Variants in ING4 observed in about 807,000 individuals in gnomAD.
ING4 encodes inhibitor of growth family member 4, also known as inhibitor of growth protein 4.
Under a neutral mutation model 33.1 loss-of-function variants are expected in ING4, and 28 were observed. The observed-to-expected ratio is 0.85, with a 90% confidence interval of 0.63 to 1.16. The LOEUF is 1.16. ING4 is among the 50% of genes most tolerant of loss of function. The pLI, the probability that ING4 is intolerant of heterozygous loss-of-function variation, is 0.00. For missense variants in ING4, 247 were observed against 314.7 expected (o/e 0.78, Z 1.63); for synonymous variants, 87 against 104.4 (o/e 0.83, Z 1.02).
rs113932069 is a variant in ING4 at position 6,652,668 on chromosome 12, A to C, written c.491T>G (p.Val164Gly). 7.4e-6 allele frequency: 12 copies of C among 1,613,850 alleles called. No homozygotes were observed. The African/African-American group carries it at 8.0e-5, about 11-fold the overall frequency. The change falls in exon 5 of 8, where the codon GTG becomes GGG. Residue 164 changes from valine (V) to glycine (G), a missense_variant. By Grantham distance (109) the Val-to-Gly change is moderately radical. This residue lies in a region of ING4 where 198 missense variants were observed against 221.2 expected (regional missense o/e 0.89). Coordinates refer to ENST00000341550, the MANE Select transcript of ING4 (RefSeq NM_016162.4). ...PKTAQKKLKLVRTSPEYGMPS... is the reference protein window; with the variant it reads ...PKTAQKKLKLGRTSPEYGMPS... ...GGCTCCCTGAATCACTCACGTGCGC[A>C]CGAGCTTTAACTTCTTCTGGGCAGT...
Position 6,651,102 on chromosome 12 carries a change from C to T in ING4, c.*93G>A. ...GACAGCACTGTGCCATCCACTCCTC[C>T]CTGAACCCCTGGCCCCAGCACAGGC... is the stretch of plus-strand genomic sequence containing the variant. On this transcript the variant is annotated 3_prime_UTR_variant, in exon 8 of 8. Transcript: ENST00000341550. The T allele has an allele frequency of 7.1e-7, 1 of 1,406,636 alleles. No homozygotes were observed. The highest frequency in any genetic ancestry group is 1.7e-5 in the Admixed American group (1 of 57,526). The allele number at this position is 1,406,636 out of a possible 1,614,324, so 87.1% of individuals were successfully genotyped here. A position where few individuals can be genotyped will look rare whatever the true frequency, so the allele number is the denominator to read the frequency against.
chr12:6,660,037 GT>G (rs1949499969), intron 1 of ING4, among the ~76,000 whole-genome samples: 1 of 152,184 alleles, frequency 6.6e-6, no homozygotes, highest in Non-Finnish European at 1.5e-5. Flanking sequence ...ATTCTCTCCT[GT>G]TTCCATAGTG....
rs1359440330 is a variant in ING4 at position 6,660,012 on chromosome 12, G to A, written c.37+3053C>T. 2.6e-5 allele frequency among the ~76,000 whole-genome samples: 4 copies of A among 152,136 alleles called. No homozygotes were observed. In the East Asian group the frequency reaches 5.8e-4, roughly 22 times the overall value. On this transcript the variant is annotated intron_variant, in intron 1 of 7. Coordinates refer to ENST00000341550, the MANE Select transcript of ING4 (RefSeq NM_016162.4). ...TATTTGGTATCTGTCTCCCCAGGCC[G>A]AACATGGCTATCATATTCTCTCCTG...
intron 5 of ING4, 113 bp downstream of exon 5, chr12:6,652,546 TAAG>T (rs1205354863): frequency 6.1e-5 from 84 of 1,368,358 alleles, no homozygotes; most frequent in Non-Finnish European, 7.7e-5. Context: ...ACCAAAATGA[TAAG>T]AAGAGTTCTT....
At chr12:6,653,816 T>C (rs1212684766) in intron 2 of ING4, among the ~76,000 whole-genome samples, 1 of 152,220 alleles carries the variant, frequency 6.6e-6, no homozygotes, top group Non-Finnish European at 1.5e-5. Context: ...TCATCTGCTG[T>C]TGCTGGTTTC....
At chr12:6,662,849 C>G (rs540028640) in intron 1 of ING4, among the ~76,000 whole-genome samples, 9 of 146,208 alleles carry the variant, frequency 6.2e-5, no homozygotes, top group Non-Finnish European at 1.4e-4. Flanking sequence ...CGTCTCTAAC[C>G]CCCACACCGC....
intron 2 of ING4, among the ~76,000 whole-genome samples, chr12:6,653,777 A>G (rs1393070813): frequency 3.3e-5 from 5 of 152,230 alleles, no homozygotes; most frequent in Non-Finnish European, 7.3e-5. Context: ...AACATCCCAC[A>G]GCAGTTGTCT....
chr12:6,658,755 T>TA (rs1297177057), intron 1 of ING4, among the ~76,000 whole-genome samples: 2 of 152,190 alleles, frequency 1.3e-5, no homozygotes, highest in Non-Finnish European at 2.9e-5. Context: ...CTCCCGCTTA[T>TA]AACCTTCTGG....
At chr12:6,659,580 A>T (rs1325955576) in intron 1 of ING4, among the ~76,000 whole-genome samples, 1 of 152,108 alleles carries the variant, frequency 6.6e-6, no homozygotes, top group Non-Finnish European at 1.5e-5. Context: ...TGGGTGGCCG[A>T]GGAGAGCAGA....
At chr12:6,653,171 G>T in intron 3 of ING4, 59 bp downstream of exon 3, 6 of 1,602,888 alleles carry the variant, frequency 3.7e-6, no homozygotes, top group Non-Finnish European at 5.1e-6. Flanking sequence ...TTGAAGGAGG[G>T]GTCTAAGACC....
intron 2 of ING4, among the ~76,000 whole-genome samples, chr12:6,653,869 T>C (rs1233799879): frequency 6.6e-5 from 10 of 152,140 alleles, no homozygotes; most frequent in Non-Finnish European, 5.9e-5. Flanking sequence ...ATTATTAGTA[T>C]TTTTTCTTTT....
chr12:6,653,369 G>C lies in ING4; in HGVS notation c.137C>G (p.Ala46Gly). ...EDLKAEIDKL[A>G]TEYMSSARSL... ...GCGGGCACTACTCATATACTCAGTG[G>C]CCAACTTGTCAATTTCAGCCTTCAG... Residue 46 changes from alanine to glycine, a missense_variant, in exon 3 of 8, where the codon GCC (alanine) becomes GGC (glycine). Transcript: ENST00000341550. 6.2e-7 allele frequency: 1 copy of C among 1,614,100 alleles called. No individual in the cohort carries two copies.
chr12:6,656,723 A>G lies in ING4; in HGVS notation c.109+4T>C. The G allele has an allele frequency of 6.5e-7, 1 of 1,549,432 alleles. No homozygotes were observed. Among genetic ancestry groups the G allele is most frequent in the Non-Finnish European group, 8.7e-7 (1 of 1,145,126 alleles). ...GATACAAAAACTTTTTACTCTATACATACCCTCTGTTCTTTGGTCTAGGTC... is the reference window on the plus strand; with the variant it reads ...GATACAAAAACTTTTTACTCTATACGTACCCTCTGTTCTTTGGTCTAGGTC... On this transcript the variant is annotated splice_donor_region_variant and intron_variant, in intron 2 of 7. Coordinates refer to ENST00000341550, the MANE Select transcript of ING4 (RefSeq NM_016162.4).
intron 1 of ING4, 72 bp downstream of exon 1, chr12:6,662,993 G>A (rs1219425478): frequency 1.3e-6 from 2 of 1,495,832 alleles, no homozygotes; most frequent in South Asian, 1.1e-5. Flanking sequence ...GAACTTAAGG[G>A]CTACAGATCC....
At position 6,652,666 on chromosome 12, in the gene ING4, G is replaced by A. The variant is rs773124829; in HGVS notation, c.493C>T (p.Arg165Cys). The change falls in exon 5 of 8, where the codon CGC becomes TGC. Residue 165 changes from arginine (R) to cysteine (C), a missense_variant. By Grantham distance (180) the Arg-to-Cys change is radical. Coordinates refer to ENST00000341550, the MANE Select transcript of ING4 (RefSeq NM_016162.4). ...KTAQKKLKLVRTSPEYGMPSV... is the reference protein window; with the variant it reads ...KTAQKKLKLVCTSPEYGMPSV... ...AGGGCTCCCTGAATCACTCACGTGC[G>A]CACGAGCTTTAACTTCTTCTGGGCA... The A allele has an allele frequency of 7.4e-6, 12 of 1,613,322 alleles. No individual in the cohort carries two copies. Among genetic ancestry groups the A allele is most frequent in the African/African-American group, 1.3e-5 (1 of 74,886 alleles).
chr12:6,659,686 G>A (rs1348362749), intron 1 of ING4, among the ~76,000 whole-genome samples: 3 of 151,152 alleles, frequency 2.0e-5, no homozygotes, highest in East Asian at 1.9e-4. Context: ...GGTGGCGGGC[G>A]CCTGTAGTCC....
chr12:6,655,960 T>C, intron 2 of ING4: 1 of 451,422 alleles, frequency 2.2e-6, no homozygotes, highest in Non-Finnish European at 4.4e-6. Flanking sequence ...TTACTGCTTT[T>C]TTTTCTTTCC....
Position 6,651,147 on chromosome 12 carries a change from C to T in ING4, c.*48G>A. 6.2e-7 allele frequency: 1 copy of T among 1,606,120 alleles called. No individual in the cohort carries two copies. The highest frequency in any genetic ancestry group is 1.1e-5 in the South Asian group (1 of 90,878). On this transcript the variant is annotated 3_prime_UTR_variant, in exon 8 of 8. Transcript: ENST00000341550. ...ACAGGCATTCCTCTGCCCACTAGCC[C>T]AAGTCAGGGGATGTGGAAGAAACTG...
chr12:6,657,993 T>A (rs1374331648), intron 1 of ING4: 4 of 150,520 alleles, frequency 2.7e-5, no homozygotes, highest in East Asian at 2.0e-4. Flanking sequence ...GGAGTCTGGC[T>A]CTGTTGCCCA....
Sources: gnomAD v4.1 joint callset for allele counts (sites outside exome capture counted in the v4.1 genomes callset) on GRCh38, gnomAD v4.1.1 for gene constraint, gnomAD v4.1.1 regional missense constraint, MANE v1.5 for transcripts, NCBI Gene and HGNC (gene_info 2026-07-23, HGNC 2026-07-21) for gene names.